C8orf34: variants seen among roughly 807,000 people sequenced by gnomAD.
The protein encoded by C8orf34 is uncharacterized protein C8orf34.
C8orf34 carries 65 observed loss-of-function variants against 68.3 expected under a neutral mutation model. The ratio of observed to expected loss-of-function variants is 0.95; its 90% CI spans 0.78 to 1.17. The LOEUF (loss-of-function observed/expected upper bound fraction) is 1.17, where lower values mean the gene tolerates loss of function less well. C8orf34 is among the 50% of genes most tolerant of loss of function. The pLI, the probability that C8orf34 is intolerant of heterozygous loss-of-function variation, is 0.00. For synonymous variants in C8orf34, 244 were observed against 241.2 expected, an observed-to-expected ratio of 1.01 and a Z score of -0.11; for missense variants, 664 against 655.4, an observed-to-expected ratio of 1.01 and a Z score of -0.14.
At chr8:68,492,697 T>G (rs929054918) in intron 5 of C8orf34, among the ~76,000 whole-genome samples, 10 of 152,126 alleles carry the variant, frequency 6.6e-5, no homozygotes, top group African/African-American at 2.2e-4. Context: ...TTTTCACATT[T>G]TTGTTCATGT....
chr8:68,371,074 G>A (rs1807539855), intron 1 of C8orf34, among the ~76,000 whole-genome samples: 2 of 152,134 alleles, frequency 1.3e-5, no homozygotes, highest in South Asian at 4.1e-4. Flanking sequence ...AAGGGAAGGT[G>A]ATTCTCCTCC....
rs149925653 is a variant in C8orf34, at chr8:68,351,266, T to C, written c.327+19927T>C. Among the ~76,000 whole-genome samples, 80 of 152,210 alleles carry C rather than the reference T, an allele frequency of 5.3e-4. 1 individual carries two copies. Among genetic ancestry groups the C allele is most frequent in the African/African-American group, 1.7e-3 (69 of 41,558 alleles). On this transcript the variant is annotated intron_variant, in intron 1 of 13. Transcript: ENST00000518698. Reference sequence around the variant, plus strand: ...ATTCTTGGTTGAATAATTTTTTCTTTAAGAATGTTGAATATAGGCCTCCTA... The same window carrying C: ...ATTCTTGGTTGAATAATTTTTTCTTCAAGAATGTTGAATATAGGCCTCCTA...
At chr8:68,408,844 A>G (rs141656949) in intron 1 of C8orf34, among the ~76,000 whole-genome samples, 4,106 of 152,034 alleles carry the variant, frequency 0.027, 73 homozygotes, top group Middle Eastern at 0.041. Flanking sequence ...GCTAGAGTGC[A>G]GTGGTGCAAT....
chr8:68,611,320 A>C (rs551228771), intron 7 of C8orf34, among the ~76,000 whole-genome samples: 1 of 152,268 alleles, frequency 6.6e-6, no homozygotes, highest in African/African-American at 2.4e-5. Flanking sequence ...ACTGACTGCT[A>C]TATTTGTTCT....
chr8:68,720,545 T>C (rs532232117), intron 9 of C8orf34, among the ~76,000 whole-genome samples: 1 of 151,906 alleles, frequency 6.6e-6, no homozygotes, highest in Non-Finnish European at 1.5e-5. Context: ...TTAATAAATA[T>C]AAGAAATTAA....
chr8:68,617,514 T>G (rs1818260421), intron 7 of C8orf34, among the ~76,000 whole-genome samples: 1 of 152,218 alleles, frequency 6.6e-6, no homozygotes, highest in African/African-American at 2.4e-5. Flanking sequence ...TGCTTGTCTG[T>G]AAAGTATTTT....
At chr8:68,707,109 G>A (rs983056875) in intron 8 of C8orf34, among the ~76,000 whole-genome samples, 4 of 152,110 alleles carry the variant, frequency 2.6e-5, no homozygotes, top group East Asian at 1.9e-4. Context: ...TGTATTTCCC[G>A]GACTTGCCCA....
At chr8:68,562,910 T>C (rs1417298664) in intron 7 of C8orf34, among the ~76,000 whole-genome samples, 2 of 152,182 alleles carry the variant, frequency 1.3e-5, no homozygotes, top group Non-Finnish European at 2.9e-5. Flanking sequence ...CTGAAGAAAT[T>C]AGAATTTCTA....
At chr8:68,773,641 A>G (rs1269095434) in intron 10 of C8orf34, among the ~76,000 whole-genome samples, 1 of 151,956 alleles carries the variant, frequency 6.6e-6, no homozygotes, top group Non-Finnish European at 1.5e-5. Flanking sequence ...CTGCCTCGGC[A>G]TCCCAAAGTG....
At chr8:68,372,912 A>G (rs1365613865) in intron 1 of C8orf34, among the ~76,000 whole-genome samples, 1 of 152,240 alleles carries the variant, frequency 6.6e-6, no homozygotes. Flanking sequence ...GAACGTGCAG[A>G]GTACCAGCCC....
chr8:68,507,616 T>C (rs1467460515), intron 5 of C8orf34, among the ~76,000 whole-genome samples: 2 of 152,208 alleles, frequency 1.3e-5, no homozygotes, highest in African/African-American at 4.8e-5. Context: ...GTTTCTTTCC[T>C]TTTTGTTAAC....
rs557744715 is a variant in C8orf34 at position 68,592,464 on chromosome 8, G to A, written c.1106-47912G>A. On this transcript the variant is annotated intron_variant, in intron 7 of 13. Coordinates refer to ENST00000518698, the MANE Select transcript of C8orf34 (RefSeq NM_052958.4). Reference sequence around the variant, plus strand: ...ATTGCCAGCATAGAGGGATGGTTTTGAGTTTTATAAGTTAATATTTTATCT... The same window carrying A: ...ATTGCCAGCATAGAGGGATGGTTTTAAGTTTTATAAGTTAATATTTTATCT... Among the ~76,000 whole-genome samples, 61 of 151,700 alleles carry A rather than the reference G, an allele frequency of 4.0e-4. No homozygotes were observed. The South Asian group carries it at 6.3e-3, about 16-fold the overall frequency.
rs1809456443 is a variant in C8orf34 at position 68,411,813 on chromosome 8, C to T, written c.328-27686C>T. Among the ~76,000 whole-genome samples the T allele has an allele frequency of 2.6e-5, 4 of 152,108 alleles. No homozygotes were observed. In the South Asian group the frequency reaches 8.3e-4, roughly 32 times the overall value. On this transcript the variant is annotated intron_variant, in intron 1 of 13. Transcript: ENST00000518698. ...TACAGATTTTTTTCTATGCCTAATG[C>T]TATGGCTTTTATTTTCATGTGTGTT...
chr8:68,721,484 T>A, intron 10 of C8orf34, 47 bp downstream of exon 10: 1 of 1,191,944 alleles, frequency 8.4e-7, no homozygotes, highest in Non-Finnish European at 1.2e-6. Flanking sequence ...AAAACTAATT[T>A]AAATTACTAG....
At chr8:68,484,970 C>T (rs1813012715) in intron 4 of C8orf34, among the ~76,000 whole-genome samples, 1 of 152,016 alleles carries the variant, frequency 6.6e-6, no homozygotes, top group East Asian at 1.9e-4. Flanking sequence ...ATGGTCAGAC[C>T]AAAGAGTTGG....
intron 1 of C8orf34, among the ~76,000 whole-genome samples, chr8:68,394,506 G>A (rs1808611571): frequency 6.6e-6 from 1 of 151,592 alleles, no homozygotes; most frequent in African/African-American, 2.4e-5. Flanking sequence ...CATTTGGGTT[G>A]GTTCCAAGTC....
At chr8:68,746,516 A>T (rs1822500700) in intron 10 of C8orf34, among the ~76,000 whole-genome samples, 1 of 93,628 alleles carries the variant, frequency 1.1e-5, no homozygotes, top group Non-Finnish European at 2.1e-5. Context: ...AAGAGAGAAG[A>T]ATCAAATAGA....
At chr8:68,744,492 T>C (rs1368470098) in intron 10 of C8orf34, among the ~76,000 whole-genome samples, 1 of 147,880 alleles carries the variant, frequency 6.8e-6, no homozygotes. Context: ...TTGAAAAAAA[T>C]TTAGAAGAAT....
chr8:68,442,055 A>G (rs1810931334), intron 2 of C8orf34, among the ~76,000 whole-genome samples: 1 of 152,206 alleles, frequency 6.6e-6, no homozygotes, highest in African/African-American at 2.4e-5. Flanking sequence ...GAGTGAAAGA[A>G]TAAAGGAAGA....
Sources: allele counts gnomAD v4.1 joint callset (sites outside exome capture counted in the v4.1 genomes callset), GRCh38; gene constraint gnomAD v4.1.1; transcripts MANE v1.5; gene names NCBI Gene and HGNC (gene_info 2026-07-23, HGNC 2026-07-21).